APOBEC3D: variants seen among roughly 807,000 people sequenced by gnomAD.
APOBEC3D encodes DNA dC->dU-editing enzyme APOBEC-3D.
In APOBEC3D, 37 loss-of-function variants were observed where a neutral mutation model predicts 45.6. The ratio of observed to expected loss-of-function variants is 0.81; its 90% CI spans 0.62 to 1.07. The LOEUF is 1.07. Ranked by LOEUF, APOBEC3D falls within the 50% of genes least tolerant of loss-of-function variation. The pLI, the probability that APOBEC3D is intolerant of heterozygous loss-of-function variation, is 0.00. For synonymous variants in APOBEC3D, 175 were observed against 180.7 expected (o/e 0.97, Z 0.25); for missense variants, 496 against 495.3 (o/e 1.00, Z -0.01).
At chr22:39,029,586 A>G (rs1926004642) in intron 5 of APOBEC3D, 67 bp downstream of exon 5, 1 of 1,575,318 alleles carries the variant, frequency 6.3e-7, no homozygotes, top group Non-Finnish European at 8.7e-7. Flanking sequence ...AAAACACAAT[A>G]CGTGACGTGC....
At chr22:39,028,831 A>T (rs1320649085) in intron 4 of APOBEC3D, among the ~76,000 whole-genome samples, 5 of 152,120 alleles carry the variant, frequency 3.3e-5, no homozygotes, top group Non-Finnish European at 5.9e-5. Flanking sequence ...GCTACTTGGG[A>T]GGCTGAGGCA....
At chr22:39,027,223 T>G (rs1435482582) in intron 4 of APOBEC3D, among the ~76,000 whole-genome samples, 1 of 151,776 alleles carries the variant, frequency 6.6e-6, no homozygotes, top group Non-Finnish European at 1.5e-5. Context: ...AGGGAACAAC[T>G]CTGGGCAGGA....
chr22:39,030,274 T>G (rs1182114892), intron 5 of APOBEC3D, among the ~76,000 whole-genome samples: 1 of 119,724 alleles, frequency 8.4e-6, no homozygotes, highest in South Asian at 3.0e-4. Context: ...CCACCCACCC[T>G]GCCGTGTCCC....
chr22:39,027,450 C>A (rs1925786491), intron 4 of APOBEC3D, among the ~76,000 whole-genome samples: 2 of 152,182 alleles, frequency 1.3e-5, no homozygotes, highest in Non-Finnish European at 2.9e-5. Flanking sequence ...CCAGGGGTCC[C>A]TCCGGAGGTC....
chr22:39,029,295 G>A (rs577361405), intron 4 of APOBEC3D, 68 bp from the exon 5 acceptor site: 12 of 1,570,490 alleles, frequency 7.6e-6, no homozygotes, highest in Non-Finnish European at 1.0e-5. Context: ...GGACGTCCAG[G>A]GAGTTGTGTT....
rs770951387 is a variant in APOBEC3D at position 39,025,390 on chromosome 22, C to G, written c.490+41C>G. 5.0e-6 allele frequency: 8 copies of G among 1,612,202 alleles called. No individual in the cohort carries two copies. In the East Asian group the frequency reaches 1.8e-4, roughly 36 times the overall value. ...GTCAGGGGAGCATGACGGGGAGGAA[C>G]AGCCTCAGAGATGGATGGATCTGCA... On this transcript the variant is annotated intron_variant, in intron 3 of 6. Coordinates refer to ENST00000216099, the MANE Select transcript of APOBEC3D (RefSeq NM_152426.4).
intron 1 of APOBEC3D, 81 bp downstream of exon 1, chr22:39,021,617 C>A (rs2040864008): frequency 2.5e-6 from 4 of 1,596,400 alleles, no homozygotes; most frequent in African/African-American, 2.7e-5. Flanking sequence ...CCTGGCCTCC[C>A]CCTGCCCCAG....
Position 39,032,479 on chromosome 22 carries a change from C to A in APOBEC3D, c.*163C>A. 1 of 1,439,830 alleles carries A rather than the reference C, an allele frequency of 6.9e-7. No homozygotes were observed. The highest frequency in any genetic ancestry group is 2.5e-5 in the East Asian group (1 of 40,486). The allele number at this position is 1,439,830 out of a possible 1,614,324, so 89.2% of individuals were successfully genotyped here. The stretch of plus-strand genomic sequence containing the variant: ...CCCCCCTGCCTCACCACCTCCTCCC[C>A]GCTCTCCCAGGCTCTTCTTGTAGAG... On this transcript the variant is annotated 3_prime_UTR_variant, in exon 7 of 7. Transcript: ENST00000216099.
In APOBEC3D at chr22:39,022,359, A is replaced by G. The variant is rs972313821; in HGVS notation, c.18-463A>G. On this transcript the variant is annotated intron_variant, in intron 1 of 6. Transcript: ENST00000216099. ...CCCTGCAGGCCTAGGGCAGCCTCAC[A>G]TGAGCCCACCCCCACGCAGCACTTA... is the stretch of plus-strand genomic sequence containing the variant. Among the ~76,000 whole-genome samples, 6 of 152,310 alleles carry G rather than the reference A, an allele frequency of 3.9e-5. 1 individual carries two copies. Among genetic ancestry groups the G allele is most frequent in the East Asian group, 3.9e-4 (2 of 5,188 alleles).
chr22:39,026,113 T>C (rs1925635579), intron 4 of APOBEC3D, among the ~76,000 whole-genome samples: 1 of 152,238 alleles, frequency 6.6e-6, no homozygotes, highest in Non-Finnish European at 1.5e-5. Context: ...AGCTTCAGGC[T>C]TCCGCGGCCA....
intron 3 of APOBEC3D, 47 bp from the exon 4 acceptor site, chr22:39,025,510 C>T (rs1179740754): frequency 2.5e-6 from 4 of 1,613,894 alleles, no homozygotes; most frequent in African/African-American, 2.7e-5. Context: ...GGAGGGCAGG[C>T]CCAGGGTCAG....
At chr22:39,024,009 C>T (rs190412508) in intron 2 of APOBEC3D, among the ~76,000 whole-genome samples, 42 of 152,154 alleles carry the variant, frequency 2.8e-4, no homozygotes, top group African/African-American at 8.7e-4. Flanking sequence ...TGGCCTACAG[C>T]GGTGCTGGCC....
chr22:39,029,318 G>A, intron 4 of APOBEC3D, 45 bp from the exon 5 acceptor site: 1 of 1,608,598 alleles, frequency 6.2e-7, no homozygotes, highest in Non-Finnish European at 8.5e-7. Context: ...GTGGGCATCA[G>A]CTCCGAGGAA....
At position 39,029,463 on chromosome 22, in the gene APOBEC3D, G is replaced by C. The variant is rs780634774; in HGVS notation, c.706G>C (p.Glu236Gln). 4 of 1,614,164 alleles carry C rather than the reference G, an allele frequency of 2.5e-6. No individual in the cohort carries two copies. The East Asian group carries it at 8.9e-5, about 36-fold the overall frequency. Residue 236 changes from glutamate to glutamine, a missense_variant, in exon 5 of 7, where the codon GAA becomes CAA. Physicochemically the swap from Glu to Gln is conservative, Grantham distance 29. Coordinates refer to ENST00000216099, the MANE Select transcript of APOBEC3D (RefSeq NM_152426.4). ...RNESWLCFTM[E>Q]VTKHHSAVFR... Reference sequence around the variant, plus strand: ...CGAAAGCTGGCTGTGCTTCACCATGGAAGTTACAAAGCACCACTCAGCTGT... The same window carrying C: ...CGAAAGCTGGCTGTGCTTCACCATGCAAGTTACAAAGCACCACTCAGCTGT...
chr22:39,032,251 C>T lies in APOBEC3D; in HGVS notation c.1096C>T (p.Pro366Ser). The change falls in exon 7 of 7, where the codon CCT becomes TCT. Residue 366 changes from proline to serine, a missense_variant. Transcript: ENST00000216099. The stretch of plus-strand genomic sequence containing the variant: ...GTACAGTGATGATGAGCCATTCAAG[C>T]CTTGGAAGGGACTACAAACCAACTT... ...FVYSDDEPFKPWKGLQTNFRL... is the reference protein window; with the variant it reads ...FVYSDDEPFKSWKGLQTNFRL... 6.2e-7 allele frequency: 1 copy of T among 1,614,138 alleles called. No homozygotes were observed. The highest frequency in any genetic ancestry group is 8.5e-7 in the Non-Finnish European group (1 of 1,180,012).
At chr22:39,029,701 G>A (rs1926019829) in intron 5 of APOBEC3D, among the ~76,000 whole-genome samples, 182 bp downstream of exon 5, 1 of 150,890 alleles carries the variant, frequency 6.6e-6, no homozygotes, top group Admixed American at 6.6e-5. Flanking sequence ...GGGTTCAAGC[G>A]ATTCTCCTGC....
chr22:39,028,026 G>A (rs1453428755), intron 4 of APOBEC3D, among the ~76,000 whole-genome samples: 1 of 152,190 alleles, frequency 6.6e-6, no homozygotes, highest in Non-Finnish European at 1.5e-5. Context: ...TCAGCACTTT[G>A]GTGGAATTTC....
intron 4 of APOBEC3D, among the ~76,000 whole-genome samples, chr22:39,027,811 C>T (rs1387193068): frequency 6.6e-6 from 1 of 152,156 alleles, no homozygotes; most frequent in Admixed American, 6.5e-5. Context: ...GCTATGTGGT[C>T]GCCCCACTGC....
At chr22:39,028,456 C>T (rs111599975) in intron 4 of APOBEC3D, among the ~76,000 whole-genome samples, 1 of 152,208 alleles carries the variant, frequency 6.6e-6, no homozygotes, top group African/African-American at 2.4e-5. Flanking sequence ...AGGGATGGCC[C>T]CTGCAGGCCT....
Sources: allele counts gnomAD v4.1 joint callset (sites outside exome capture counted in the v4.1 genomes callset), GRCh38; gene constraint gnomAD v4.1.1; transcripts MANE v1.5; gene names NCBI Gene and HGNC (gene_info 2026-07-23, HGNC 2026-07-21).